RUNX1: variants seen among roughly 807,000 people sequenced by gnomAD.
RUNX1 encodes RUNX family transcription factor 1.
Under a neutral mutation model 42.8 loss-of-function variants are expected in RUNX1, and 19 were observed. That is an observed-to-expected ratio of 0.44 (90% CI 0.31 to 0.65). The LOEUF (loss-of-function observed/expected upper bound fraction) is 0.65, where lower values mean the gene tolerates loss of function less well. RUNX1 is among the 30% of genes least tolerant of loss of function. The pLI is 0.07. For missense variants in RUNX1, 528 were observed against 672.0 expected (o/e 0.79, Z 2.37); for synonymous variants, 271 against 289.4 (o/e 0.94, Z 0.64).
chr21:34,837,213 G>A (rs1332045386), intron 6 of RUNX1, among the ~76,000 whole-genome samples: 1 of 152,150 alleles, frequency 6.6e-6, no homozygotes, highest in Non-Finnish European at 1.5e-5. Flanking sequence ...AGCCCTGGGA[G>A]TCTCAGGGCT....
intron 2 of RUNX1, among the ~76,000 whole-genome samples, chr21:34,894,904 CACACACACACACACACACACACACAT>C (rs1018274081): frequency 7.0e-6 from 1 of 143,602 alleles, no homozygotes; most frequent in Non-Finnish European, 1.5e-5. Flanking sequence ...CACACACACA[CACACACACACACACACACACACACAT>C]ATTCATATCT....
chr21:34,834,014 T>C, intron 7 of RUNX1: 1 of 373,628 alleles, frequency 2.7e-6, no homozygotes, highest in South Asian at 2.4e-5. Flanking sequence ...TTCACTTTGC[T>C]TGACGTGTGT....
chr21:34,851,077 T>C (rs2057411491), intron 6 of RUNX1, among the ~76,000 whole-genome samples: 1 of 152,210 alleles, frequency 6.6e-6, no homozygotes, highest in African/African-American at 2.4e-5. Context: ...TCGGCTCTCA[T>C]AGTGTTAGCA....
At chr21:35,001,920 A>G (rs1270585368) in intron 2 of RUNX1, among the ~76,000 whole-genome samples, 2 of 152,176 alleles carry the variant, frequency 1.3e-5, no homozygotes, top group African/African-American at 4.8e-5. Context: ...AAATATGTAC[A>G]AGTAAATTTT....
intron 2 of RUNX1, among the ~76,000 whole-genome samples, chr21:35,030,728 G>A (rs2059267095): frequency 6.6e-6 from 1 of 151,950 alleles, no homozygotes. Flanking sequence ...CAACTAGGAT[G>A]GCTTCAAAAT....
chr21:34,834,398 T>A lies in RUNX1; in HGVS notation c.805+12A>T, dbSNP rs2057110695. The A allele has an allele frequency of 6.2e-7, 1 of 1,611,622 alleles. No individual in the cohort carries two copies. Among genetic ancestry groups the A allele is most frequent in the South Asian group, 1.1e-5 (1 of 91,056 alleles). The stretch of plus-strand genomic sequence containing the variant: ...CAGGAGAGGCGGGCAGTGGGCTCCA[T>A]CTGGTACTTACCCTGCATCTGACTC... On this transcript the variant is annotated intron_variant, in intron 7 of 8. Transcript: ENST00000675419.
chr21:35,037,391 G>A (rs1039139596), intron 2 of RUNX1, among the ~76,000 whole-genome samples: 1 of 152,162 alleles, frequency 6.6e-6, no homozygotes, highest in African/African-American at 2.4e-5. Flanking sequence ...CAGTGGTGGG[G>A]CCATAAAGCC....
chr21:34,820,167 G>A (rs2056886556), intron 7 of RUNX1, among the ~76,000 whole-genome samples: 1 of 152,196 alleles, frequency 6.6e-6, no homozygotes, highest in African/African-American at 2.4e-5. Context: ...CCCCAACAGG[G>A]AGCAGGGCTG....
At chr21:34,846,284 C>T (rs1168543662) in intron 6 of RUNX1, among the ~76,000 whole-genome samples, 1 of 143,774 alleles carries the variant, frequency 7.0e-6, no homozygotes, top group Non-Finnish European at 1.5e-5. Context: ...GTCACTCTGG[C>T]GTGGACCTTC....
chr21:34,992,869 C>T (rs1452439257), intron 2 of RUNX1, among the ~76,000 whole-genome samples: 3 of 152,166 alleles, frequency 2.0e-5, no homozygotes, highest in Non-Finnish European at 2.9e-5. Context: ...CAGAGGGGCC[C>T]ATCCAAGTCC....
At chr21:34,891,936 T>C (rs987432558) in intron 3 of RUNX1, among the ~76,000 whole-genome samples, 1 of 152,230 alleles carries the variant, frequency 6.6e-6, no homozygotes, top group African/African-American at 2.4e-5. Context: ...TCTACAACTT[T>C]AGGTAAAGAA....
chr21:34,795,468 C>T (rs1329146347), intron 8 of RUNX1, among the ~76,000 whole-genome samples: 1 of 152,132 alleles, frequency 6.6e-6, no homozygotes, highest in African/African-American at 2.4e-5. Flanking sequence ...GGATACACTC[C>T]TCATCAGAGG....
intron 2 of RUNX1, among the ~76,000 whole-genome samples, chr21:35,021,139 T>TTCTG (rs1416713568): frequency 5.3e-5 from 8 of 152,190 alleles, no homozygotes; most frequent in African/African-American, 1.9e-4. Flanking sequence ...AAAGTAAAAT[T>TTCTG]GAACCATGGA....
intron 2 of RUNX1, among the ~76,000 whole-genome samples, chr21:34,950,673 T>C (rs1009016370): frequency 6.6e-6 from 1 of 152,122 alleles, no homozygotes; most frequent in Admixed American, 6.5e-5. Context: ...GAGGTGGAGG[T>C]TGCAGTGATC....
At chr21:34,941,321 C>T (rs8126567) in intron 2 of RUNX1, among the ~76,000 whole-genome samples, 51,958 of 152,068 alleles carry the variant, frequency 0.34, 10,606 homozygotes, top group East Asian at 0.52. Context: ...TCCTTTCCTC[C>T]TGGAATTTCT....
chr21:34,960,153 C>A (rs1010708746), intron 2 of RUNX1, among the ~76,000 whole-genome samples: 5 of 152,164 alleles, frequency 3.3e-5, no homozygotes, highest in Non-Finnish European at 7.4e-5. Context: ...TTTCCAGGAA[C>A]ACAGCTGTTC....
chr21:34,868,452 C>G (rs1253746945), intron 5 of RUNX1, among the ~76,000 whole-genome samples: 1 of 152,172 alleles, frequency 6.6e-6, no homozygotes, highest in Non-Finnish European at 1.5e-5. Flanking sequence ...AATCCCCGCC[C>G]TATCTCTCTG....
In RUNX1 at chr21:34,843,458, TACTG is replaced by T. The variant is rs1350702177; in HGVS notation, c.614-8861_614-8858del. Among the ~76,000 whole-genome samples the T allele has an allele frequency of 6.6e-6, 1 of 151,876 alleles. No homozygotes were observed. Among genetic ancestry groups the T allele is most frequent in the East Asian group, 1.9e-4 (1 of 5,188 alleles). ...ACACATATATACAAACATACACACA[TACTG>T]ACATACACACATATACACATACATA... is the stretch of plus-strand genomic sequence containing the variant. On this transcript the variant is annotated intron_variant, in intron 6 of 8. Coordinates refer to ENST00000675419, the MANE Select transcript of RUNX1 (RefSeq NM_001754.5). The surrounding 1 kb of genome is among the most constrained non-coding windows in gnomAD (Gnocchi z 4.8).
intron 5 of RUNX1, among the ~76,000 whole-genome samples, chr21:34,870,960 A>AGAAAAC (rs111891670): frequency 2.0e-5 from 3 of 152,186 alleles, no homozygotes; most frequent in African/African-American, 7.2e-5. Flanking sequence ...CCATCTCAAA[A>AGAAAAC]AAAAACAAAA....
Sources: allele counts gnomAD v4.1 joint callset (sites outside exome capture counted in the v4.1 genomes callset), GRCh38; gene constraint gnomAD v4.1.1; non-coding constraint Gnocchi (gnomAD v3.1); transcripts MANE v1.5; gene names NCBI Gene and HGNC (gene_info 2026-07-23, HGNC 2026-07-21).